Variants in ITGB8 observed in about 807,000 individuals in gnomAD.
ITGB8 encodes the protein integrin beta-8.
Under a neutral mutation model 89.5 loss-of-function variants are expected in ITGB8, and 30 were observed. That is an observed-to-expected ratio of 0.34 (90% CI 0.25 to 0.45). The LOEUF is 0.45. Ranked by LOEUF, ITGB8 falls within the 20% of genes least tolerant of loss-of-function variation. The probability of loss-of-function intolerance (pLI) is 1.00; values close to 1 mark genes in which losing one functional copy is unlikely to be tolerated. For missense variants in ITGB8, 836 were observed against 933.3 expected (o/e 0.90, Z 1.36); for synonymous variants, 335 against 320.4 (o/e 1.05, Z -0.49).
At chr7:20,408,666 G>A (rs1787644859) in intron 12 of ITGB8, among the ~76,000 whole-genome samples, 1 of 152,030 alleles carries the variant, frequency 6.6e-6, no homozygotes. Flanking sequence ...TATGAATCTG[G>A]GGCAGCTGGT....
intron 1 of ITGB8, among the ~76,000 whole-genome samples, chr7:20,351,100 G>C (rs1433095664): frequency 6.6e-6 from 1 of 152,216 alleles, no homozygotes; most frequent in East Asian, 1.9e-4. Flanking sequence ...TATCTTTAGA[G>C]TGGGAAAATA....
At position 20,393,296 on chromosome 7, in the gene ITGB8, T is replaced by C. The variant is rs568067029; in HGVS notation, c.1057-1600T>C. ...CTGATAAACCATAAAACCAGGTTTA[T>C]TATTAACTAAATTATGCACAAAGTC... On this transcript the variant is annotated intron_variant, in intron 7 of 13. Coordinates refer to ENST00000222573, the MANE Select transcript of ITGB8 (RefSeq NM_002214.3). 1.2e-4 allele frequency among the ~76,000 whole-genome samples: 18 copies of C among 152,340 alleles called. No individual in the cohort carries two copies. The East Asian group carries it at 3.5e-3, about 29-fold the overall frequency.
intron 1 of ITGB8, among the ~76,000 whole-genome samples, chr7:20,355,905 A>G (rs988986943): frequency 6.6e-6 from 1 of 152,234 alleles, no homozygotes; most frequent in South Asian, 2.1e-4. Flanking sequence ...CTTAGTAACT[A>G]AAGTTTTTCC....
rs1457346592 is a variant in ITGB8, at chr7:20,367,013, A to G, written c.215A>G (p.Asp72Gly). 2 of 1,602,668 alleles carry G rather than the reference A, an allele frequency of 1.2e-6. No individual in the cohort carries two copies. The highest frequency in any genetic ancestry group is 1.7e-6 in the Non-Finnish European group (2 of 1,175,552). Reference sequence around the variant, plus strand: ...AGTGATTTTCTTTCTTTTAAACAGGATTTCATTTCAGGTGGATCAAGAAGT... The same window carrying G: ...AGTGATTTTCTTTCTTTTAAACAGGGTTTCATTTCAGGTGGATCAAGAAGT... ...GPECGWCVQEDFISGGSRSER... is the reference protein window; with the variant it reads ...GPECGWCVQEGFISGGSRSER... The change falls in exon 3 of 14, where the codon GAT becomes GGT. Residue 72 changes from aspartate (D) to glycine (G), a missense_variant and splice_region_variant. By Grantham distance (94) the Asp-to-Gly change is moderately conservative. Coordinates refer to ENST00000222573, the MANE Select transcript of ITGB8 (RefSeq NM_002214.3).
chr7:20,367,749 A>G (rs986757776), intron 3 of ITGB8, among the ~76,000 whole-genome samples: 1 of 152,154 alleles, frequency 6.6e-6, no homozygotes, highest in Non-Finnish European at 1.5e-5. Context: ...CAGTTTTGTG[A>G]TGGCCCCTGA....
chr7:20,352,673 T>G (rs7456987), intron 1 of ITGB8: 84,182 of 152,032 alleles, frequency 0.55, 24,351 homozygotes, highest in South Asian at 0.72. Flanking sequence ...CATGGTGTTC[T>G]CTTTCTCCTT....
chr7:20,333,619 C>G (rs374641854), intron 1 of ITGB8, among the ~76,000 whole-genome samples: 3 of 152,124 alleles, frequency 2.0e-5, no homozygotes, highest in East Asian at 3.8e-4. Flanking sequence ...TAGTCAGGCT[C>G]TTGTGAAAAA....
intron 1 of ITGB8, among the ~76,000 whole-genome samples, chr7:20,341,458 A>G (rs1005562603): frequency 6.6e-5 from 10 of 152,230 alleles, no homozygotes; most frequent in Non-Finnish European, 1.3e-4. Flanking sequence ...GTATATAATC[A>G]GAGAGCCTGA....
intron 1 of ITGB8, among the ~76,000 whole-genome samples, chr7:20,359,149 C>T (rs756330447): frequency 6.6e-5 from 10 of 152,020 alleles, no homozygotes; most frequent in South Asian, 2.1e-4. Context: ...TCTTTGCTAT[C>T]GTGGATAGCA....
intron 1 of ITGB8, among the ~76,000 whole-genome samples, chr7:20,337,443 T>TA (rs1182384128): frequency 6.6e-6 from 1 of 152,182 alleles, no homozygotes; most frequent in African/African-American, 2.4e-5. Context: ...GTTCTGGAGT[T>TA]AAAAAATAAC....
intron 1 of ITGB8, among the ~76,000 whole-genome samples, chr7:20,333,453 A>G (rs1420677662): frequency 6.6e-6 from 1 of 152,230 alleles, no homozygotes; most frequent in African/African-American, 2.4e-5. Context: ...TTCTAGATTT[A>G]GTAAACACAC....
intron 8 of ITGB8, among the ~76,000 whole-genome samples, chr7:20,395,339 A>T (rs1583531762): frequency 6.6e-6 from 1 of 152,264 alleles, no homozygotes; most frequent in African/African-American, 2.4e-5. Context: ...ATAAAGTAGA[A>T]GTCCACAGTT....
chr7:20,391,417 A>G lies in ITGB8; in HGVS notation c.975A>G (p.Leu325=). ...VKSTTMEHPS[L]GQLSEKLIDN... ...ATTCATTACAGGAACACCCCTCACT[A>G]GGCCAACTTTCAGAGAAATTAATAG... The change falls in exon 7 of 14, where the codon CTA becomes CTG. Residue 325 remains leucine, a synonymous_variant. Coordinates refer to ENST00000222573, the MANE Select transcript of ITGB8 (RefSeq NM_002214.3). 6.3e-7 allele frequency: 1 copy of G among 1,595,100 alleles called. No individual in the cohort carries two copies. The highest frequency in any genetic ancestry group is 1.3e-5 in the African/African-American group (1 of 74,292).
intron 3 of ITGB8, 109 bp downstream of exon 3, chr7:20,367,295 A>G: frequency 1.2e-6 from 1 of 815,336 alleles, no homozygotes; most frequent in South Asian, 1.5e-5. Flanking sequence ...TTCTTGTAGA[A>G]ACCACAGTGG....
At chr7:20,391,244 T>C (rs1287088637) in intron 6 of ITGB8, among the ~76,000 whole-genome samples, 159 bp from the exon 7 acceptor site, 1 of 152,064 alleles carries the variant, frequency 6.6e-6, no homozygotes, top group Non-Finnish European at 1.5e-5. Flanking sequence ...TACATGGATA[T>C]TGATGTTATG....
chr7:20,373,191 TTAG>T (rs1786005133), intron 3 of ITGB8, among the ~76,000 whole-genome samples: 1 of 152,224 alleles, frequency 6.6e-6, no homozygotes, highest in South Asian at 2.1e-4. Context: ...TTAAAAAATG[TTAG>T]TAGGACTATA....
At position 20,412,289 on chromosome 7, in the gene ITGB8, A is replaced by G. The variant is rs1268599844; in HGVS notation, c.*2292A>G. ...TTCAGTACTGTGAGTCACTTGTATA[A>G]GAAACCTTTGATCACTAAAAATAAT... On this transcript the variant is annotated 3_prime_UTR_variant, in exon 14 of 14. Transcript: ENST00000222573. 1 of 152,634 alleles carries G rather than the reference A, an allele frequency of 6.6e-6. No individual in the cohort carries two copies. Among genetic ancestry groups the G allele is most frequent in the African/African-American group, 2.4e-5 (1 of 41,456 alleles). 9.5% of individuals were successfully genotyped at this position (152,634 alleles called of 1,614,324 possible).
chr7:20,376,952 A>G (rs961647842), intron 3 of ITGB8, among the ~76,000 whole-genome samples: 5 of 152,062 alleles, frequency 3.3e-5, no homozygotes, highest in African/African-American at 7.2e-5. Flanking sequence ...TCACACCCCA[A>G]CCATTTGGCA....
rs35951169 is a variant in ITGB8 at position 20,405,477 on chromosome 7, AT to A, written c.1914-571del. On this transcript the variant is annotated intron_variant, in intron 11 of 13. Coordinates refer to ENST00000222573, the MANE Select transcript of ITGB8 (RefSeq NM_002214.3). ...AGGTGCCCGCCACCACGCCGGGCTA[AT>A]TTTTTTTTTTTTTGTATTTTTAGTA... 1.9e-3 allele frequency among the ~76,000 whole-genome samples: 271 copies of A among 141,970 alleles called. 1 individual carries two copies. The highest frequency in any genetic ancestry group is 2.2e-3 in the African/African-American group (87 of 38,898). 93.1% of individuals were successfully genotyped at this position (141,970 alleles called of 152,430 possible). A position where few individuals can be genotyped will look rare whatever the true frequency, so the allele number is the denominator to read the frequency against.
Sources: allele counts gnomAD v4.1 joint callset (sites outside exome capture counted in the v4.1 genomes callset), GRCh38; gene constraint gnomAD v4.1.1; transcripts MANE v1.5; gene names NCBI Gene and HGNC (gene_info 2026-07-23, HGNC 2026-07-21).